Variants in KPNA3 observed in about 807,000 individuals in gnomAD.
KPNA3 encodes the protein importin subunit alpha-4.
A neutral mutation model predicts 73.8 loss-of-function variants in KPNA3; 13 were observed. That is an observed-to-expected ratio of 0.18 (90% CI 0.11 to 0.28). The LOEUF (loss-of-function observed/expected upper bound fraction) is 0.28, where lower values mean the gene tolerates loss of function less well. Among genes scored for constraint, KPNA3 ranks in the 10% least tolerant of loss-of-function variants. The probability of loss-of-function intolerance (pLI) is 1.00; values close to 1 mark genes in which losing one functional copy is unlikely to be tolerated. For missense variants in KPNA3, 360 were observed against 618.1 expected, an observed-to-expected ratio of 0.58 and a Z score of 4.43; for synonymous variants, 186 against 206.9, an observed-to-expected ratio of 0.90 and a Z score of 0.87.
In KPNA3 at chr13:49,723,594, C is replaced by T. The variant is rs368016343; in HGVS notation, c.470-1031G>A. ...AAAAAAAAAAAATATCATACTCAGCCGGGCACAGTGGCTCACACCTATAAT... is the reference window on the plus strand; with the variant it reads ...AAAAAAAAAAAATATCATACTCAGCTGGGCACAGTGGCTCACACCTATAAT... On this transcript the variant is annotated intron_variant, in intron 7 of 16. Coordinates refer to ENST00000261667, the MANE Select transcript of KPNA3 (RefSeq NM_002267.4). 3.0e-3 allele frequency among the ~76,000 whole-genome samples: 447 copies of T among 148,232 alleles called. 1 individual carries two copies. The highest frequency in any genetic ancestry group is 0.011 in the African/African-American group (428 of 40,238).
chr13:49,779,556 C>A lies in KPNA3; in HGVS notation c.69+12882G>T, dbSNP rs577504561. Among the ~76,000 whole-genome samples, 7 of 152,282 alleles carry A rather than the reference C, an allele frequency of 4.6e-5. No homozygotes were observed. In the South Asian group the frequency reaches 6.2e-4, roughly 14 times the overall value. ...CCTACTTACTCTATCTAGGCTCAGT[C>A]GTTTGTTCCTTTTCTAACCAAGTCC... On this transcript the variant is annotated intron_variant, in intron 1 of 16. Coordinates refer to ENST00000261667, the MANE Select transcript of KPNA3 (RefSeq NM_002267.4).
At chr13:49,709,514 G>A in intron 12 of KPNA3, 58 bp downstream of exon 12, 1 of 1,400,384 alleles carries the variant, frequency 7.1e-7, no homozygotes, top group Non-Finnish European at 9.8e-7. Flanking sequence ...GAAACAAGGA[G>A]ACAGTTAAAA....
At chr13:49,780,735 T>C (rs1285174923) in intron 1 of KPNA3, among the ~76,000 whole-genome samples, 1 of 151,476 alleles carries the variant, frequency 6.6e-6, no homozygotes, top group African/African-American at 2.4e-5. Context: ...TTTTTTTTTT[T>C]TTTAAGATGG....
Position 49,699,729 on chromosome 13 carries a change from G to A in KPNA3, c.*2071C>T, listed in dbSNP as rs1954130905. ...TAAAAGGTAACTGTCAGTTAAGTAA[G>A]GAAAGTCCAGAAGAAACTAAACTGG... On this transcript the variant is annotated 3_prime_UTR_variant, in exon 17 of 17. Transcript: ENST00000261667. 1 of 152,626 alleles carries A rather than the reference G, an allele frequency of 6.6e-6. No individual in the cohort carries two copies. The highest frequency in any genetic ancestry group is 2.4e-5 in the African/African-American group (1 of 41,452). 9.5% of individuals were successfully genotyped at this position (152,626 alleles called of 1,614,324 possible).
intron 1 of KPNA3, among the ~76,000 whole-genome samples, chr13:49,755,276 GA>G (rs954079840): frequency 6.6e-6 from 1 of 151,846 alleles, no homozygotes; most frequent in Non-Finnish European, 1.5e-5. Context: ...ATTCAATGCA[GA>G]AAAAAATGAC....
intron 9 of KPNA3, among the ~76,000 whole-genome samples, chr13:49,721,601 C>T (rs1363600518): frequency 6.6e-6 from 1 of 152,092 alleles, no homozygotes; most frequent in East Asian, 1.9e-4. Flanking sequence ...GGGCAGATCA[C>T]GAGGTCAGGA....
intron 1 of KPNA3, among the ~76,000 whole-genome samples, chr13:49,792,111 A>G (rs1955038735): frequency 6.6e-6 from 1 of 152,088 alleles, no homozygotes. Flanking sequence ...GGGCGGCAGC[A>G]TCCCCGTTCA....
chr13:49,719,827 A>G lies in KPNA3; in HGVS notation c.727-8T>C. Reference sequence around the variant, plus strand: ...ACATAAAGCTGGCAAAATCTGAGGAAAGAAAATAAACAATACTTAACATTA... The same window carrying G: ...ACATAAAGCTGGCAAAATCTGAGGAGAGAAAATAAACAATACTTAACATTA... On this transcript the variant is annotated splice_polypyrimidine_tract_variant and splice_region_variant and intron_variant, in intron 9 of 16. Transcript: ENST00000261667. The G allele has an allele frequency of 6.5e-7, 1 of 1,547,256 alleles. No individual in the cohort carries two copies. The highest frequency in any genetic ancestry group is 8.9e-7 in the Non-Finnish European group (1 of 1,120,862).
intron 1 of KPNA3, among the ~76,000 whole-genome samples, chr13:49,752,280 T>TA (rs924102020): frequency 1.4e-4 from 21 of 148,844 alleles, no homozygotes; most frequent in South Asian, 1.1e-3. Flanking sequence ...GCCACCCCCT[T>TA]AAAAAAAAAA....
rs1259791020 is a variant in KPNA3 at position 49,762,168 on chromosome 13, G to A, written c.70-15175C>T. Among the ~76,000 whole-genome samples the A allele has an allele frequency of 9.5e-5, 14 of 147,316 alleles. No homozygotes were observed. The South Asian group carries it at 1.9e-3, about 20-fold the overall frequency. ...GGGAGGGAGGTGGGGGGCAGCCCCC[G>A]CCCGGCCAGCCGCCTCGTCCGGGAG... On this transcript the variant is annotated intron_variant, in intron 1 of 16. Coordinates refer to ENST00000261667, the MANE Select transcript of KPNA3 (RefSeq NM_002267.4).
chr13:49,736,452 T>A (rs889280466), intron 2 of KPNA3, among the ~76,000 whole-genome samples: 1 of 152,214 alleles, frequency 6.6e-6, no homozygotes, highest in Admixed American at 6.5e-5. Flanking sequence ...ATTTAATTCA[T>A]CTTATCAAAT....
chr13:49,717,055 C>A (rs1263148465), intron 10 of KPNA3, among the ~76,000 whole-genome samples: 1 of 152,106 alleles, frequency 6.6e-6, no homozygotes, highest in Non-Finnish European at 1.5e-5. Context: ...ATAGTCCATG[C>A]CTTCATCAAC....
chr13:49,767,449 A>G (rs1405602723), intron 1 of KPNA3, among the ~76,000 whole-genome samples: 1 of 151,912 alleles, frequency 6.6e-6, no homozygotes, highest in Admixed American at 6.6e-5. Context: ...AAAGAATAAT[A>G]TCAATTAAAT....
At chr13:49,763,980 T>C (rs2137586518) in intron 1 of KPNA3, among the ~76,000 whole-genome samples, 1 of 150,300 alleles carries the variant, frequency 6.7e-6, no homozygotes, top group South Asian at 2.1e-4. Context: ...GATGGAAGGA[T>C]CGCCTGAGCC....
intron 2 of KPNA3, among the ~76,000 whole-genome samples, chr13:49,736,956 T>C (rs573264730): frequency 2.0e-5 from 3 of 152,328 alleles, no homozygotes; most frequent in Non-Finnish European, 2.9e-5. Context: ...GACAGAATTA[T>C]AGGCTCAGTA....
rs1954150700 is a variant in KPNA3 at position 49,701,820 on chromosome 13, T to C, written c.1546A>G (p.Thr516Ala). 2 of 1,609,098 alleles carry C rather than the reference T, an allele frequency of 1.2e-6. No homozygotes were observed. The highest frequency in any genetic ancestry group is 2.2e-5 in the South Asian group (2 of 91,010). ...YNFDPTANLQ[T>A]KEFNF ...TGAATTTAAAAATTAAATTCTTTTG[T>C]TTGAAGGTTGGCTGTTGGATCAAAA... Residue 516 changes from threonine to alanine, a missense_variant, in exon 17 of 17, where the codon ACA becomes GCA. Transcript: ENST00000261667.
intron 2 of KPNA3, among the ~76,000 whole-genome samples, chr13:49,734,954 T>TAGATAGAGAGAG (rs144444749): frequency 1.9e-4 from 27 of 145,904 alleles, no homozygotes; most frequent in African/African-American, 6.7e-4. Context: ...GAGAGATAGA[T>TAGATAGAGAGAG]AGAGAGAGAG....
chr13:49,784,671 G>C (rs1404058423), intron 1 of KPNA3, among the ~76,000 whole-genome samples: 2 of 152,132 alleles, frequency 1.3e-5, no homozygotes, highest in African/African-American at 2.4e-5. Flanking sequence ...TAAAAAGCTT[G>C]GAGTTGATTT....
chr13:49,775,187 GA>G (rs1475117356), intron 1 of KPNA3, among the ~76,000 whole-genome samples: 4 of 93,742 alleles, frequency 4.3e-5, no homozygotes, highest in African/African-American at 1.4e-4. Flanking sequence ...AAAAAAAAAA[GA>G]AAAAAGAAAA....
Sources: gnomAD v4.1 joint callset for allele counts (sites outside exome capture counted in the v4.1 genomes callset) on GRCh38, gnomAD v4.1.1 for gene constraint, MANE v1.5 for transcripts, NCBI Gene and HGNC (gene_info 2026-07-23, HGNC 2026-07-21) for gene names.